Variants in TMPRSS4 observed in about 807,000 individuals in gnomAD.
TMPRSS4 encodes the protein transmembrane serine protease 4, also known as transmembrane protease serine 4.
In TMPRSS4, 45 loss-of-function variants were observed where a neutral mutation model predicts 56.4. The ratio of observed to expected loss-of-function variants is 0.80; its 90% CI spans 0.63 to 1.02. TMPRSS4 has a LOEUF of 1.02. Ranked by LOEUF, TMPRSS4 falls within the 50% of genes least tolerant of loss-of-function variation. The pLI is 0.00. For missense variants in TMPRSS4, 546 were observed against 556.7 expected (o/e 0.98, Z 0.19); for synonymous variants, 205 against 211.0 (o/e 0.97, Z 0.25).
chr11:118,092,445 C>T (rs182829521), intron 1 of TMPRSS4, among the ~76,000 whole-genome samples: 6 of 152,316 alleles, frequency 3.9e-5, no homozygotes, highest in Non-Finnish European at 5.9e-5. Context: ...TGTCTTCTTG[C>T]GCTCAGTCAG....
chr11:118,107,892 C>G lies in TMPRSS4; in HGVS notation c.542+17C>G. ...CTCAAGTGGGTAAGTGAGGGGACAC[C>G]TTCTGGCCTACAGAAGGCCCCCACA... is the stretch of plus-strand genomic sequence containing the variant. On this transcript the variant is annotated intron_variant, in intron 6 of 12. Coordinates refer to ENST00000437212, the MANE Select transcript of TMPRSS4 (RefSeq NM_019894.4). The G allele has an allele frequency of 6.2e-7, 1 of 1,610,672 alleles. No homozygotes were observed. Among genetic ancestry groups the G allele is most frequent in the South Asian group, 1.1e-5 (1 of 90,778 alleles).
At chr11:118,108,806 C>G (rs776201166) in intron 6 of TMPRSS4, 50 bp from the exon 7 acceptor site, 6 of 1,609,278 alleles carry the variant, frequency 3.7e-6, no homozygotes, top group Admixed American at 1.7e-5. Context: ...GTCCCTGCCT[C>G]CCAGCTGAGG....
chr11:118,080,114 C>T (rs1945010482), intron 1 of TMPRSS4, among the ~76,000 whole-genome samples: 1 of 152,216 alleles, frequency 6.6e-6, no homozygotes, highest in South Asian at 2.1e-4. Context: ...CTAGGTTTCA[C>T]CCTGCAGGTG....
intron 7 of TMPRSS4, among the ~76,000 whole-genome samples, chr11:118,111,181 G>A (rs1029455600): frequency 1.3e-5 from 2 of 152,332 alleles, no homozygotes; most frequent in South Asian, 4.1e-4. Context: ...GGGTGGAGAG[G>A]GGGGACCTGA....
chr11:118,103,386 T>TTG, intron 4 of TMPRSS4, 133 bp downstream of exon 4: 2 of 1,118,584 alleles, frequency 1.8e-6, no homozygotes, highest in South Asian at 3.5e-5. Flanking sequence ...CTTTGTTTGT[T>TTG]TGTTTGTTGT....
chr11:118,083,073 G>A (rs1945279339), intron 1 of TMPRSS4, among the ~76,000 whole-genome samples: 1 of 152,148 alleles, frequency 6.6e-6, no homozygotes, highest in Non-Finnish European at 1.5e-5. Context: ...GCCGCTGCGG[G>A]GCTCGGTCGA....
chr11:118,114,903 T>A lies in TMPRSS4; in HGVS notation c.985T>A (p.Trp329Arg), dbSNP rs761435835. ...TPATPLWIIG[W>R]GFTKQNGGKM... ...AGCCACCCCACTCTGGATCATTGGA[T>A]GGGGCTTTACGAAGCAGAATGGAGG... is the stretch of plus-strand genomic sequence containing the variant. Residue 329 changes from tryptophan to arginine, a missense_variant, in exon 10 of 13, where the codon TGG becomes AGG. Physicochemically the swap from Trp to Arg is moderately radical, Grantham distance 101. Transcript: ENST00000437212. The A allele has an allele frequency of 5.0e-6, 8 of 1,605,708 alleles. No individual in the cohort carries two copies. The East Asian group carries it at 1.8e-4, about 36-fold the overall frequency.
intron 7 of TMPRSS4, 49 bp downstream of exon 7, chr11:118,108,945 CAGGG>C (rs1947139334): frequency 3.1e-6 from 5 of 1,596,056 alleles, no homozygotes; most frequent in African/African-American, 1.3e-5. Context: ...CAGCAATGAG[CAGGG>C]AGGAAGACCT....
chr11:118,083,742 T>C (rs1242988051), intron 1 of TMPRSS4, among the ~76,000 whole-genome samples: 1 of 152,216 alleles, frequency 6.6e-6, no homozygotes, highest in Non-Finnish European at 1.5e-5. Flanking sequence ...GTTGTTGTTA[T>C]TATTATTACA....
intron 3 of TMPRSS4, 197 bp from the exon 4 acceptor site, chr11:118,102,904 G>A (rs979714816): frequency 1.3e-5 from 8 of 634,906 alleles, no homozygotes; most frequent in African/African-American, 3.6e-5. Context: ...GGGTGGGGCC[G>A]GTGTTACTAT....
intron 1 of TMPRSS4, among the ~76,000 whole-genome samples, chr11:118,092,447 CTCAG>C (rs1457380521): frequency 3.3e-5 from 5 of 152,200 alleles, no homozygotes; most frequent in Non-Finnish European, 7.3e-5. Flanking sequence ...TCTTCTTGCG[CTCAG>C]TCAGTTCCTG....
intron 2 of TMPRSS4, among the ~76,000 whole-genome samples, chr11:118,097,246 G>A (rs1471658808): frequency 3.3e-5 from 5 of 152,100 alleles, no homozygotes; most frequent in African/African-American, 9.7e-5. Flanking sequence ...GGAGGGGCGG[G>A]AGGAGACAGA....
chr11:118,099,113 G>A lies in TMPRSS4; in HGVS notation c.157+15G>A, dbSNP rs116316020. The stretch of plus-strand genomic sequence containing the variant: ...GGTTGTCCTCAGTAAGTGACAGCCC[G>A]TACCCGACTTTCACCCTCTAAGTAA... On this transcript the variant is annotated intron_variant, in intron 3 of 12. Coordinates refer to ENST00000437212, the MANE Select transcript of TMPRSS4 (RefSeq NM_019894.4). 2,483 of 1,604,130 alleles carry A rather than the reference G, an allele frequency of 1.5e-3. 36 individuals carry two copies. The African/African-American group carries it at 0.028, about 18-fold the overall frequency.
chr11:118,125,265 G>A, downstream of TMPRSS4: 1 of 456,730 alleles, frequency 2.2e-6, no homozygotes, highest in Non-Finnish European at 4.4e-6. Context: ...GAAGGAGCCA[G>A]CAGATAAATG....
chr11:118,113,557 T>A, intron 9 of TMPRSS4, 122 bp downstream of exon 9: 1 of 1,128,062 alleles, frequency 8.9e-7, no homozygotes, highest in Non-Finnish European at 1.3e-6. Flanking sequence ...GCTTGCCCAT[T>A]TGTCTCTAAT....
chr11:118,101,111 T>A lies in TMPRSS4; in HGVS notation c.158-1990T>A, dbSNP rs188205712. On this transcript the variant is annotated intron_variant, in intron 3 of 12. Transcript: ENST00000437212. ...GGAGTGTCAGGGCCAGCAGATCACATCTCAAGCTTCCCCAGAGAATTAGAT... is the reference window on the plus strand; with the variant it reads ...GGAGTGTCAGGGCCAGCAGATCACAACTCAAGCTTCCCCAGAGAATTAGAT... Among the ~76,000 whole-genome samples, 16 of 152,264 alleles carry A rather than the reference T, an allele frequency of 1.1e-4. No homozygotes were observed. The East Asian group carries it at 1.7e-3, about 17-fold the overall frequency.
chr11:118,077,375 G>A (rs905434863), intron 1 of TMPRSS4, 70 bp downstream of exon 1: 2 of 1,498,812 alleles, frequency 1.3e-6, no homozygotes, highest in Non-Finnish European at 1.8e-6. Context: ...CCTTCAAGCA[G>A]CCTGAGCATC....
chr11:118,113,559 G>T (rs180743194), intron 9 of TMPRSS4, 124 bp downstream of exon 9: 8 of 1,120,920 alleles, frequency 7.1e-6, no homozygotes, highest in Non-Finnish European at 1.0e-5. Flanking sequence ...TTGCCCATTT[G>T]TCTCTAATAC....
At position 118,103,539 on chromosome 11, in the gene TMPRSS4, G is replaced by A. The variant is rs542951320; in HGVS notation, c.310+286G>A. 9.8e-4 allele frequency among the ~76,000 whole-genome samples: 149 copies of A among 152,186 alleles called. 1 individual carries two copies. The highest frequency in any genetic ancestry group is 3.4e-3 in the African/African-American group (143 of 41,528). On this transcript the variant is annotated intron_variant, in intron 4 of 12. Coordinates refer to ENST00000437212, the MANE Select transcript of TMPRSS4 (RefSeq NM_019894.4). ...TGGGATTACAGGTGCCAGCCACCAC[G>A]CCTGGCTAATTTTTATATTTTTAGT...
Sources: gnomAD v4.1 joint callset for allele counts (sites outside exome capture counted in the v4.1 genomes callset) on GRCh38, gnomAD v4.1.1 for gene constraint, MANE v1.5 for transcripts, NCBI Gene and HGNC (gene_info 2026-07-23, HGNC 2026-07-21) for gene names.